KCTD1: variants seen among roughly 807,000 people sequenced by gnomAD.
The protein encoded by KCTD1 is potassium channel tetramerization domain containing 1, also known as BTB/POZ domain-containing protein KCTD1.
Under a neutral mutation model 66.0 loss-of-function variants are expected in KCTD1, and 24 were observed. The ratio of observed to expected loss-of-function variants is 0.36; its 90% CI spans 0.26 to 0.51. KCTD1 has a LOEUF of 0.51. Ranked by LOEUF, KCTD1 falls within the 20% of genes least tolerant of loss-of-function variation. KCTD1 has a pLI of 0.95. For missense variants in KCTD1, 943 were observed against 1,205.2 expected, an observed-to-expected ratio of 0.78 and a Z score of 3.22; for synonymous variants, 511 against 517.2, an observed-to-expected ratio of 0.99 and a Z score of 0.16.
chr18:26,512,436 C>T (rs1311216005), intron 1 of KCTD1, among the ~76,000 whole-genome samples: 6 of 150,278 alleles, frequency 4.0e-5, no homozygotes, highest in African/African-American at 7.3e-5. Flanking sequence ...ATTTGCTTGA[C>T]GTTTTTGCAT....
intron 1 of KCTD1, among the ~76,000 whole-genome samples, chr18:26,608,002 C>G (rs1046286524): frequency 2.6e-5 from 4 of 152,100 alleles, no homozygotes; most frequent in African/African-American, 9.7e-5. Context: ...AACTCCTGAC[C>G]TCAAGCAATC....
upstream of KCTD1, among the ~76,000 whole-genome samples, chr18:26,644,450 C>A (rs1460768717): frequency 6.6e-6 from 1 of 151,910 alleles, no homozygotes; most frequent in Non-Finnish European, 1.5e-5. Context: ...GGAAGACAAG[C>A]AGTGGGGGTG....
chr18:26,556,237 G>A (rs541254357), intron 1 of KCTD1, among the ~76,000 whole-genome samples: 25 of 152,290 alleles, frequency 1.6e-4, no homozygotes, highest in Admixed American at 5.2e-4. Context: ...GAAGGAGACT[G>A]CCTTGGAGAG....
At chr18:26,593,619 GGAGGAGGAAGAT>G (rs1399769687) in intron 1 of KCTD1, among the ~76,000 whole-genome samples, 329 of 136,586 alleles carry the variant, frequency 2.4e-3, no homozygotes, top group African/African-American at 2.8e-3. Flanking sequence ...AAGACAAGGA[GGAGGAGGAAGAT>G]GAGGAGGAAG....
rs377131454 is a variant in KCTD1 at position 26,647,333 on chromosome 18, C to CG, written c.9+10026_9+10027insC. Among the ~76,000 whole-genome samples, 289 of 112,354 alleles carry CG rather than the reference C, an allele frequency of 2.6e-3. 2 individuals are homozygous for CG. The highest frequency in any genetic ancestry group is 7.2e-3 in the African/African-American group (263 of 36,624). The allele number at this position is 112,354 out of a possible 152,430, so 73.7% of individuals were successfully genotyped here. On this transcript the variant is annotated intron_variant, in intron 1 of 4. Transcript: ENST00000580191. ...GCCAGCCTGGCCAAGATAGTGAAAC[C>CG]CCCCCCCCATCTCTACTAAAAATAC... is the stretch of plus-strand genomic sequence containing the variant.
intron 1 of KCTD1, among the ~76,000 whole-genome samples, chr18:26,638,973 C>T (rs551876228): frequency 6.6e-6 from 1 of 152,166 alleles, no homozygotes; most frequent in African/African-American, 2.4e-5. Context: ...TATCTCTCTT[C>T]AAACCTCAGA....
intron 1 of KCTD1, among the ~76,000 whole-genome samples, chr18:26,656,172 C>T (rs1988132687): frequency 6.6e-6 from 1 of 152,198 alleles, no homozygotes; most frequent in South Asian, 2.1e-4. Flanking sequence ...GGGAAACTGT[C>T]CCTTTAAGGG....
upstream of KCTD1, among the ~76,000 whole-genome samples, chr18:26,633,612 A>G (rs1987665432): frequency 6.6e-6 from 1 of 152,226 alleles, no homozygotes; most frequent in East Asian, 1.9e-4. Flanking sequence ...AAATACTTGT[A>G]ACCCAAACTG....
At chr18:26,632,155 C>A (rs960444733), upstream of KCTD1, among the ~76,000 whole-genome samples, 1 of 151,746 alleles carries the variant, frequency 6.6e-6, no homozygotes, top group Non-Finnish European at 1.5e-5. Context: ...GAGGCCGAGG[C>A]GGGCAGATCA....
intron 1 of KCTD1, among the ~76,000 whole-genome samples, chr18:26,618,597 G>T (rs552458236): frequency 9.8e-5 from 15 of 152,310 alleles, no homozygotes; most frequent in African/African-American, 3.1e-4. Flanking sequence ...ACTGTTTCAA[G>T]ATTGACTCTG....
Position 26,581,528 on chromosome 18 carries a change from G to A in KCTD1, c.-16+47619C>T, listed in dbSNP as rs539024550. ...CCGCCTCAGCCTCCCAAAGTGCTAG[G>A]ATTACAGGCATGAGCCACCATGCCT... On this transcript the variant is annotated intron_variant, in intron 1 of 4. Transcript: ENST00000317932. 3.9e-5 allele frequency: 6 copies of A among 152,484 alleles called. No homozygotes were observed. The South Asian group carries it at 1.2e-3, about 32-fold the overall frequency. The allele number at this position is 152,484 out of a possible 1,614,324, so 9.4% of individuals were successfully genotyped here. A position where few individuals can be genotyped will look rare whatever the true frequency, so the allele number is the denominator to read the frequency against.
intron 1 of KCTD1, among the ~76,000 whole-genome samples, chr18:26,532,257 C>CT (rs757573584): frequency 1.6e-4 from 21 of 128,184 alleles, no homozygotes; most frequent in African/African-American, 6.8e-4. Context: ...TCTTTTCTTT[C>CT]CTTCTTTTTT....
intron 1 of KCTD1, among the ~76,000 whole-genome samples, chr18:26,578,057 C>CTTTTT (rs11381611): frequency 9.7e-4 from 113 of 116,986 alleles, no homozygotes; most frequent in Non-Finnish European, 1.4e-3. Context: ...TCTTTTCTTT[C>CTTTTT]TTTTTTTTTT....
At chr18:26,551,234 A>G (rs1985556462), upstream of KCTD1, among the ~76,000 whole-genome samples, 1 of 152,212 alleles carries the variant, frequency 6.6e-6, no homozygotes, top group African/African-American at 2.4e-5. Flanking sequence ...AGAAAAGAAA[A>G]TAGTTTTGTG....
chr18:26,460,827 C>T (rs1186994274), intron 3 of KCTD1: 1 of 152,060 alleles, frequency 6.6e-6, no homozygotes, highest in African/African-American at 2.4e-5. Flanking sequence ...AATGGGAAGA[C>T]AAAAGAGAAT....
intron 1 of KCTD1, among the ~76,000 whole-genome samples, chr18:26,527,531 G>C (rs1984229435): frequency 6.7e-6 from 1 of 149,866 alleles, no homozygotes; most frequent in Admixed American, 6.6e-5. Context: ...GTGGAACATA[G>C]AGGACTTTTA....
At chr18:26,549,856 A>G, upstream of KCTD1, 2 of 960,688 alleles carry the variant, frequency 2.1e-6, no homozygotes, top group East Asian at 2.3e-4. Flanking sequence ...CATAGGAGAC[A>G]CTGCCCCACT....
chr18:26,558,509 GTT>G (rs1479044945), intron 1 of KCTD1, among the ~76,000 whole-genome samples: 58 of 152,336 alleles, frequency 3.8e-4, no homozygotes, highest in Non-Finnish European at 6.6e-4. Flanking sequence ...GTACTCCCAT[GTT>G]TGTTGCAGCA....
At position 26,454,982 on chromosome 18, in the gene KCTD1, T is replaced by TAAAC. The variant is rs1979971476; in HGVS notation, c.*757_*760dup. On this transcript the variant is annotated 3_prime_UTR_variant, in exon 5 of 5. Coordinates refer to ENST00000580059, the MANE Select transcript of KCTD1 (RefSeq NM_001142730.3). ...TGTGTTTCACACAGACCTTATTTTT[T>TAAAC]AAACAGAGTTTATTGTATTTAATAC... 1 of 152,698 alleles carries TAAAC rather than the reference T, an allele frequency of 6.5e-6. No homozygotes were observed. The highest frequency in any genetic ancestry group is 2.4e-5 in the African/African-American group (1 of 41,476). 9.5% of individuals were successfully genotyped at this position (152,698 alleles called of 1,614,324 possible).
Sources: gnomAD v4.1 joint callset for allele counts (sites outside exome capture counted in the v4.1 genomes callset) on GRCh38, gnomAD v4.1.1 for gene constraint, MANE v1.5 for transcripts, NCBI Gene and HGNC (gene_info 2026-07-23, HGNC 2026-07-21) for gene names.